Variants in SPRR2B observed in about 807,000 individuals in gnomAD.
The protein encoded by SPRR2B is small proline-rich protein 2B.
A neutral mutation model predicts 1.0 loss-of-function variants in SPRR2B; 1 was observed. The ratio of observed to expected loss-of-function variants is 1.01; its 90% CI spans 0.36 to 4.77. The LOEUF (loss-of-function observed/expected upper bound fraction) is 4.77, where lower values mean the gene tolerates loss of function less well. Ranked by LOEUF, SPRR2B falls within the 30% of genes most tolerant of loss-of-function variation. SPRR2B has a pLI of 0.16. For missense variants in SPRR2B, 53 were observed against 88.7 expected (o/e 0.60, Z 1.62); for synonymous variants, 27 against 33.4 (o/e 0.81, Z 0.66).
chr1:153,071,057 C>T lies in SPRR2B; in HGVS notation c.-19-199G>A, dbSNP rs1251520614. The stretch of plus-strand genomic sequence containing the variant: ...ATCAGCCCTAGGAATTCCTGCCTTT[C>T]CTCATACAATTTTTCCAAAGAAAAC... On this transcript the variant is annotated intron_variant, in intron 1 of 1. Transcript: ENST00000368755. Among the ~76,000 whole-genome samples, 5 of 127,926 alleles carry T rather than the reference C, an allele frequency of 3.9e-5. 1 individual carries two copies. Among genetic ancestry groups the T allele is most frequent in the African/African-American group, 1.3e-4 (5 of 38,140 alleles). The allele number at this position is 127,926 out of a possible 152,430, so 83.9% of individuals were successfully genotyped here.
chr1:153,080,952 G>A, the SPRR2B span, among the ~76,000 whole-genome samples: 1 of 152,224 alleles, frequency 6.6e-6, no homozygotes, highest in Non-Finnish European at 1.5e-5. Context: ...ATGCTGTGCA[G>A]TGATAACATG....
At chr1:153,072,212 T>C (rs902816538), upstream of SPRR2B, among the ~76,000 whole-genome samples, 2 of 152,170 alleles carry the variant, frequency 1.3e-5, no homozygotes, top group African/African-American at 4.8e-5. Context: ...AACCCCAGAT[T>C]TTACCTATAT....
the SPRR2B span, among the ~76,000 whole-genome samples, chr1:153,080,807 A>T: frequency 6.6e-6 from 1 of 152,246 alleles, no homozygotes; most frequent in South Asian, 2.1e-4. Context: ...AGTACATTTT[A>T]AAATATCTCG....
At chr1:153,077,238 C>T in the SPRR2B span, among the ~76,000 whole-genome samples, 1 of 152,312 alleles carries the variant, frequency 6.6e-6, no homozygotes, top group East Asian at 1.9e-4. Context: ...ACCTAGAATT[C>T]TATAGCTGGC....
At chr1:153,084,919 G>T in the SPRR2B span, among the ~76,000 whole-genome samples, 5 of 152,184 alleles carry the variant, frequency 3.3e-5, no homozygotes, top group African/African-American at 4.8e-5. Flanking sequence ...TTTGGGAGCT[G>T]AGTGTTGGGA....
chr1:153,079,000 T>G, the SPRR2B span, among the ~76,000 whole-genome samples: 1 of 152,190 alleles, frequency 6.6e-6, no homozygotes, highest in South Asian at 2.1e-4. Context: ...GTGTTCCTAT[T>G]TCTCCACATC....
At chr1:153,073,119 C>A (rs1484907799), upstream of SPRR2B, among the ~76,000 whole-genome samples, 3 of 152,206 alleles carry the variant, frequency 2.0e-5, no homozygotes, top group Non-Finnish European at 4.4e-5. Context: ...GTTTCCAGAT[C>A]TGCAATTGCT....
chr1:153,072,920 C>T (rs1250484747), upstream of SPRR2B, among the ~76,000 whole-genome samples: 1 of 152,142 alleles, frequency 6.6e-6, no homozygotes, highest in African/African-American at 2.4e-5. Context: ...GCTTCCTTAT[C>T]TGGGCCAATA....
chr1:153,075,345 A>AT (rs1218156719), upstream of SPRR2B, among the ~76,000 whole-genome samples: 1 of 152,080 alleles, frequency 6.6e-6, no homozygotes. Flanking sequence ...CTATCTCAAA[A>AT]AAAATAAATA....
the SPRR2B span, among the ~76,000 whole-genome samples, chr1:153,085,439 A>G: frequency 3.6e-5 from 4 of 109,708 alleles, no homozygotes; most frequent in African/African-American, 2.0e-4. Flanking sequence ...AAAGAATCCC[A>G]GAGTTCAAAC....
chr1:153,077,575 A>G, the SPRR2B span, among the ~76,000 whole-genome samples: 1 of 152,134 alleles, frequency 6.6e-6, no homozygotes, highest in Admixed American at 6.6e-5. Flanking sequence ...GTGAACGCAA[A>G]AAAAAAAGGA....
At chr1:153,083,577 A>G in the SPRR2B span, among the ~76,000 whole-genome samples, 2 of 152,198 alleles carry the variant, frequency 1.3e-5, no homozygotes, top group South Asian at 4.1e-4. Flanking sequence ...GTGAACCAAG[A>G]GAAGACCCAG....
At chr1:153,082,596 G>A in the SPRR2B span, among the ~76,000 whole-genome samples, 1 of 151,804 alleles carries the variant, frequency 6.6e-6, no homozygotes, top group Admixed American at 6.6e-5. Context: ...ATTAAACAAC[G>A]CACTCTTAAA....
At chr1:153,085,312 G>A in the SPRR2B span, among the ~76,000 whole-genome samples, 1 of 152,090 alleles carries the variant, frequency 6.6e-6, no homozygotes, top group Non-Finnish European at 1.5e-5. Flanking sequence ...TGACAAAATA[G>A]CCAGTAAAGA....
upstream of SPRR2B, among the ~76,000 whole-genome samples, chr1:153,071,915 G>T (rs1187581819): frequency 6.6e-6 from 1 of 152,062 alleles, no homozygotes; most frequent in Non-Finnish European, 1.5e-5. Flanking sequence ...AAAACTTCCT[G>T]CCCCGATCCA....
upstream of SPRR2B, among the ~76,000 whole-genome samples, chr1:153,076,214 G>A (rs942731960): frequency 6.6e-6 from 1 of 152,136 alleles, no homozygotes; most frequent in African/African-American, 2.4e-5. Flanking sequence ...CTAAATCCTT[G>A]TAAGCAACTG....
chr1:153,080,209 T>C, the SPRR2B span, among the ~76,000 whole-genome samples: 1 of 152,042 alleles, frequency 6.6e-6, no homozygotes, highest in Non-Finnish European at 1.5e-5. Flanking sequence ...TTAAAAGAAG[T>C]TCATAGGTCT....
the SPRR2B span, among the ~76,000 whole-genome samples, chr1:153,084,647 A>G: frequency 6.6e-6 from 1 of 152,132 alleles, no homozygotes; most frequent in African/African-American, 2.4e-5. Context: ...CAGGTACCCT[A>G]GCACCTGCAA....
chr1:153,084,098 G>A, the SPRR2B span, among the ~76,000 whole-genome samples: 1 of 152,132 alleles, frequency 6.6e-6, no homozygotes, highest in African/African-American at 2.4e-5. Flanking sequence ...CCTTTGTGCT[G>A]GCAGATCACA....
Sources: gnomAD v4.1 joint callset for allele counts (sites outside exome capture counted in the v4.1 genomes callset) on GRCh38, gnomAD v4.1.1 for gene constraint, MANE v1.5 for transcripts, NCBI Gene and HGNC (gene_info 2026-07-23, HGNC 2026-07-21) for gene names.